Variants in LTBR observed in about 807,000 individuals in gnomAD.
LTBR encodes the protein lymphotoxin beta receptor, also known as tumor necrosis factor receptor superfamily member 3.
In LTBR, 15 loss-of-function variants were observed where a neutral mutation model predicts 45.4. That is an observed-to-expected ratio of 0.33 (90% CI 0.22 to 0.51). The LOEUF is 0.51. Among genes scored for constraint, LTBR ranks in the 20% least tolerant of loss-of-function variants. The probability of loss-of-function intolerance (pLI) is 0.97; values close to 1 mark genes in which losing one functional copy is unlikely to be tolerated. For missense variants in LTBR, 450 were observed against 565.5 expected (o/e 0.80, Z 2.07); for synonymous variants, 228 against 231.0 (o/e 0.99, Z 0.12).
upstream of LTBR, among the ~76,000 whole-genome samples, chr12:6,382,275 T>C (rs1353101281): frequency 3.9e-5 from 6 of 152,290 alleles, no homozygotes; most frequent in African/African-American, 1.4e-4. Flanking sequence ...AATGAGGGAT[T>C]TGAAGAGTGT....
Position 6,386,365 on chromosome 12 carries a change from G to T in LTBR, c.588G>T (p.Leu196=), listed in dbSNP as rs1245195034. 5.0e-6 allele frequency: 8 copies of T among 1,613,954 alleles called. No individual in the cohort carries two copies. Among genetic ancestry groups the T allele is most frequent in the Non-Finnish European group, 6.8e-6 (8 of 1,179,946 alleles). The change falls in exon 6 of 10, where the codon CTG becomes CTT. Residue 196 remains leucine (L), a synonymous_variant. Transcript: ENST00000228918. This position sits in a 1 kb window ranked among gnomAD's most constrained non-coding sequence, Gnocchi z 4.1. ...TCTGCAGGTGTGAGAACCAAGGTCT[G>T]GTGGAGGCAGCTCCAGGCACTGCCC... The part of the protein sequence containing the change: ...QPHTRCENQG[L]VEAAPGTAQS...
chr12:6,387,640 G>A (rs551491854), intron 6 of LTBR: 1 of 229,312 alleles, frequency 4.4e-6, no homozygotes, highest in Middle Eastern at 5.2e-4. Context: ...ATAGAAATGC[G>A]GGAGTCCTCC....
rs1565494181 is a variant in LTBR, at chr12:6,386,076, G to A, written c.483G>A (p.Gly161=). 9.3e-6 allele frequency: 15 copies of A among 1,613,554 alleles called. No individual in the cohort carries two copies. The highest frequency in any genetic ancestry group is 1.3e-5 in the Non-Finnish European group (15 of 1,179,554). Residue 161 remains glycine, a synonymous_variant, in exon 5 of 10, where the codon GGG becomes GGA. Coordinates refer to ENST00000228918, the MANE Select transcript of LTBR (RefSeq NM_002342.3). The surrounding 1 kb of genome is among the most constrained non-coding windows in gnomAD (Gnocchi z 4.1). ...GTEAELKDEV[G]KGNNHCVPCK... is the part of the protein sequence containing the mutation. ...CCTTTCTCTTGCCAGATGAAGTTGG[G>A]AAGGGTAACAACCACTGCGTCCCCT... is the stretch of plus-strand genomic sequence containing the variant.
upstream of LTBR, among the ~76,000 whole-genome samples, chr12:6,383,432 C>T (rs1241325906): frequency 6.6e-6 from 1 of 152,096 alleles, no homozygotes; most frequent in African/African-American, 2.4e-5. Context: ...TCAGCTTTCT[C>T]CAGTTCTAAG....
chr12:6,385,621 A>T (rs571529085), intron 4 of LTBR: 1 of 558,556 alleles, frequency 1.8e-6, no homozygotes, highest in East Asian at 3.1e-5. Context: ...AATGGTAGGC[A>T]GTAGGCCGGG....
intron 4 of LTBR, chr12:6,385,810 C>T: frequency 2.6e-6 from 1 of 383,020 alleles, no homozygotes. Flanking sequence ...GAGGCTGAGG[C>T]AGGAGAATGG....
intron 3 of LTBR, 22 bp downstream of exon 3, chr12:6,385,169 G>C (rs771515918): frequency 2.1e-5 from 34 of 1,613,868 alleles, no homozygotes; most frequent in Non-Finnish European, 2.8e-5. Flanking sequence ...TGTGCCTGCG[G>C]GGGGGCTGGA....
At chr12:6,390,089 G>A in intron 8 of LTBR, 23 bp from the exon 9 acceptor site, 3 of 1,533,702 alleles carry the variant, frequency 2.0e-6, no homozygotes, top group Non-Finnish European at 2.7e-6. Context: ...ATCATTGTTT[G>A]GGTCTCCATC....
chr12:6,387,665 C>T (rs910837935), intron 6 of LTBR: 5 of 258,292 alleles, frequency 1.9e-5, no homozygotes, highest in Non-Finnish European at 2.4e-5. Context: ...CTTCCCCAGG[C>T]GTAGCTGACG....
At position 6,391,170 on chromosome 12, in the gene LTBR, C is replaced by G. The variant is rs575484788; in HGVS notation, c.*233C>G. The G allele has an allele frequency of 1.0e-4, 42 of 414,600 alleles. No individual in the cohort carries two copies. Among genetic ancestry groups the G allele is most frequent in the African/African-American group, 8.2e-4 (40 of 48,988 alleles). The allele number at this position is 414,600 out of a possible 1,614,324, so 25.7% of individuals were successfully genotyped here. On this transcript the variant is annotated 3_prime_UTR_variant, in exon 10 of 10. Transcript: ENST00000228918. ...TGAGGCCTCCCGGCAGACCCACCCA[C>G]CCCCTGGGGCTGCTCAGCCTCAGGC...
rs1310828434 is a variant in LTBR at position 6,390,833 on chromosome 12, C to A, written c.1204C>A (p.Pro402Thr). The A allele has an allele frequency of 1.2e-6, 2 of 1,611,962 alleles. No homozygotes were observed. The highest frequency in any genetic ancestry group is 1.7e-5 in the Admixed American group (1 of 59,974). Residue 402 changes from proline to threonine, a missense_variant, in exon 10 of 10, where the codon CCC (proline) becomes ACC (threonine). Transcript: ENST00000228918. ...CCCTGGCCCTCCCGGGCTCTCTACACCCCACCAGGAAGATGGCAAGGCTTG... is the reference window on the plus strand; with the variant it reads ...CCCTGGCCCTCCCGGGCTCTCTACAACCCACCAGGAAGATGGCAAGGCTTG... Reference protein sequence around the residue: ...GDPGPPGLSTPHQEDGKAWHL... With the variant: ...GDPGPPGLSTTHQEDGKAWHL...
At chr12:6,375,444 C>T in exon 1 of LTBR, 2 of 1,534,730 alleles carry the variant, frequency 1.3e-6, no homozygotes. Context: ...CAGGTTGCGG[C>T]TGGACTGGGA....
chr12:6,376,460 G>A (rs1948911754), intron 1 of LTBR, among the ~76,000 whole-genome samples: 1 of 152,226 alleles, frequency 6.6e-6, no homozygotes, highest in African/African-American at 2.4e-5. Context: ...CAGACCCGGA[G>A]CCCAGGAAGA....
rs1338312064 is a variant in LTBR, at chr12:6,386,112, G to A, written c.519G>A (p.Gly173=). 2.5e-6 allele frequency: 4 copies of A among 1,613,806 alleles called. No homozygotes were observed. Among genetic ancestry groups the A allele is most frequent in the African/African-American group, 2.7e-5 (2 of 74,874 alleles). Residue 173 remains glycine, a synonymous_variant, in exon 5 of 10, where the codon GGG becomes GGA. Transcript: ENST00000228918. This position sits in a 1 kb window ranked among gnomAD's most constrained non-coding sequence, Gnocchi z 4.1. ...GNNHCVPCKA[G]HFQNTSSPSA... ...ACCACTGCGTCCCCTGCAAGGCCGG[G>A]CACTTCCAGAATACCTCCTCCCCCA...
rs1949011661 is a variant in LTBR at position 6,384,211 on chromosome 12, C to A, written c.-148C>A. 3.0e-6 allele frequency: 4 copies of A among 1,320,558 alleles called. No homozygotes were observed. The highest frequency in any genetic ancestry group is 3.8e-6 in the Non-Finnish European group (4 of 1,040,110). The allele number at this position is 1,320,558 out of a possible 1,614,324, so 81.8% of individuals were successfully genotyped here. A position where few individuals can be genotyped will look rare whatever the true frequency, so the allele number is the denominator to read the frequency against. On this transcript the variant is annotated 5_prime_UTR_variant, in exon 1 of 10. Transcript: ENST00000228918. The stretch of plus-strand genomic sequence containing the variant: ...TGGGAGCCCTGGAGGCCCGGCCTGG[C>A]CGCTCCCGGCCCTGGGGTGCACATC...
intron 1 of LTBR, chr12:6,377,432 C>G: frequency 1.5e-6 from 1 of 687,658 alleles, no homozygotes; most frequent in Non-Finnish European, 2.5e-6. Flanking sequence ...ATCTACTTAG[C>G]GCTTTTGCCA....
intron 9 of LTBR, 83 bp from the exon 10 acceptor site, chr12:6,390,577 G>T: frequency 2.2e-6 from 3 of 1,384,042 alleles, no homozygotes; most frequent in Non-Finnish European, 2.9e-6. Flanking sequence ...CAGGGGAAAG[G>T]CGAGAAGAAG....
At position 6,391,430 on chromosome 12, in the gene LTBR, A is replaced by G. The variant is rs1391737476; in HGVS notation, c.*493A>G. The G allele has an allele frequency of 1.3e-5, 2 of 152,448 alleles. No homozygotes were observed. Among genetic ancestry groups the G allele is most frequent in the East Asian group, 3.9e-4 (2 of 5,184 alleles). 9.4% of individuals were successfully genotyped at this position (152,448 alleles called of 1,614,324 possible). ...GAGGACGCTCCTTCCCTCCCCTCCT[A>G]GAGGAGAGGAAAGGGAGTCATTAAC... On this transcript the variant is annotated 3_prime_UTR_variant, in exon 10 of 10. Coordinates refer to ENST00000228918, the MANE Select transcript of LTBR (RefSeq NM_002342.3).
intron 3 of LTBR, 31 bp from the exon 4 acceptor site, chr12:6,385,196 C>G (rs374762787): frequency 6.2e-7 from 1 of 1,614,122 alleles, no homozygotes; most frequent in East Asian, 2.2e-5. Context: ...GGAGCTTGGC[C>G]CCTCCCTGAG....
Sources: gnomAD v4.1 joint callset for allele counts (sites outside exome capture counted in the v4.1 genomes callset) on GRCh38, gnomAD v4.1.1 for gene constraint, Gnocchi (gnomAD v3.1) non-coding constraint, MANE v1.5 for transcripts, NCBI Gene and HGNC (gene_info 2026-07-23, HGNC 2026-07-21) for gene names.